GNPTAB: variants seen among roughly 807,000 people sequenced by gnomAD.
GNPTAB encodes N-acetylglucosamine-1-phosphate transferase subunits alpha and beta.
A neutral mutation model predicts 136.6 loss-of-function variants in GNPTAB; 92 were observed. That is an observed-to-expected ratio of 0.67 (90% CI 0.57 to 0.80). The LOEUF is 0.80. GNPTAB is among the 30% of genes least tolerant of loss of function. The pLI is 0.00. For missense variants in GNPTAB, 1,343 were observed against 1,501.8 expected (o/e 0.89, Z 1.75); for synonymous variants, 512 against 535.1 (o/e 0.96, Z 0.60).
At chr12:101,782,707 T>C (rs938085068) in intron 5 of GNPTAB, among the ~76,000 whole-genome samples, 12 of 152,192 alleles carry the variant, frequency 7.9e-5, no homozygotes, top group Non-Finnish European at 1.5e-4. Context: ...GCCAGGTCCT[T>C]GTTATGGTTA....
intron 2 of GNPTAB, chr12:101,796,121 A>C: frequency 1.5e-6 from 1 of 665,398 alleles, no homozygotes; most frequent in Non-Finnish European, 2.7e-6. Flanking sequence ...AGTGGGGTTC[A>C]GCCCCAGTGG....
chr12:101,823,079 A>T (rs574026721), intron 1 of GNPTAB, among the ~76,000 whole-genome samples: 1 of 152,360 alleles, frequency 6.6e-6, no homozygotes, highest in East Asian at 1.9e-4. Context: ...ACTGGGACCA[A>T]TGCCAGGAAA....
At chr12:101,767,177 A>G (rs748127029) in intron 11 of GNPTAB, among the ~76,000 whole-genome samples, 2 of 152,236 alleles carry the variant, frequency 1.3e-5, no homozygotes, top group Non-Finnish European at 2.9e-5. Context: ...GGATGATAAC[A>G]TTTGTGTACA....
At chr12:101,790,173 C>T (rs1360381918) in intron 2 of GNPTAB, 116 bp from the exon 3 acceptor site, 8 of 1,365,304 alleles carry the variant, frequency 5.9e-6, no homozygotes, top group Non-Finnish European at 8.3e-6. Flanking sequence ...AAGAAGTAAT[C>T]CAACCATGAC....
intron 8 of GNPTAB, 63 bp downstream of exon 8, chr12:101,770,933 C>T: frequency 6.8e-7 from 1 of 1,476,610 alleles, no homozygotes; most frequent in Non-Finnish European, 9.5e-7. Context: ...AATATAGTAA[C>T]TTACACATTT....
At chr12:101,792,516 T>C (rs1424985782) in intron 2 of GNPTAB, among the ~76,000 whole-genome samples, 2 of 152,230 alleles carry the variant, frequency 1.3e-5, no homozygotes, top group East Asian at 1.9e-4. Flanking sequence ...GATCCAATTG[T>C]ATACCCTTGT....
At chr12:101,805,734 T>C (rs982022744) in intron 1 of GNPTAB, among the ~76,000 whole-genome samples, 1 of 152,136 alleles carries the variant, frequency 6.6e-6, no homozygotes, top group South Asian at 2.1e-4. Context: ...TTTAAAAAAA[T>C]TGCTCCTTTC....
At chr12:101,786,481 C>T (rs1218396389) in intron 4 of GNPTAB, among the ~76,000 whole-genome samples, 1 of 152,130 alleles carries the variant, frequency 6.6e-6, no homozygotes, top group Non-Finnish European at 1.5e-5. Flanking sequence ...CCAAAATGCA[C>T]ATGAAATTAA....
intron 1 of GNPTAB, among the ~76,000 whole-genome samples, chr12:101,801,539 C>CAAAAAAAAAAAAAAA (rs36066248): frequency 7.0e-5 from 3 of 42,580 alleles, no homozygotes; most frequent in African/African-American, 2.1e-4. Context: ...GACCCTGTCT[C>CAAAAAAAAAAAAAAA]AAAAAAAAAA....
At chr12:101,827,288 A>G (rs1871138411) in intron 1 of GNPTAB, among the ~76,000 whole-genome samples, 1 of 151,876 alleles carries the variant, frequency 6.6e-6, no homozygotes, top group African/African-American at 2.4e-5. Context: ...TTTTGCAGAG[A>G]TAGGGTTTCG....
intron 4 of GNPTAB, among the ~76,000 whole-genome samples, chr12:101,786,613 C>T (rs1192588856): frequency 1.3e-5 from 2 of 152,084 alleles, no homozygotes; most frequent in Non-Finnish European, 2.9e-5. Context: ...TACAAGTTAC[C>T]AATTCCAGTT....
At chr12:101,805,547 A>C (rs12317970) in intron 1 of GNPTAB, among the ~76,000 whole-genome samples, 2,315 of 152,136 alleles carry the variant, frequency 0.015, 58 homozygotes, top group African/African-American at 0.053. Context: ...GGTGCACATC[A>C]CTACGTCTGG....
chr12:101,765,319 A>C lies in GNPTAB; in HGVS notation c.1613-15T>G. 1 of 1,559,860 alleles carries C rather than the reference A, an allele frequency of 6.4e-7. No homozygotes were observed. The highest frequency in any genetic ancestry group is 8.8e-7 in the Non-Finnish European group (1 of 1,131,420). On this transcript the variant is annotated splice_polypyrimidine_tract_variant and intron_variant, in intron 12 of 20. Coordinates refer to ENST00000299314, the MANE Select transcript of GNPTAB (RefSeq NM_024312.5). ...ATGAAAATGATCTAGAGGAAAAAAC[A>C]GAAACATGATTTTTTTTTTAACTGG...
In GNPTAB at chr12:101,796,736, T is replaced by A; in HGVS notation, c.144A>T (p.Gln48His). 6.2e-7 allele frequency: 1 copy of A among 1,613,150 alleles called. No individual in the cohort carries two copies. The highest frequency in any genetic ancestry group is 8.5e-7 in the Non-Finnish European group (1 of 1,179,320). Reference sequence around the variant, plus strand: ...TATAGGAATCAAACAAAACATGGTATTGATCTCGGCTCCATTCCAGAACCA... The same window carrying A: ...TATAGGAATCAAACAAAACATGGTAATGATCTCGGCTCCATTCCAGAACCA... ...GEVVLEWSRDQYHVLFDSYRD... is the reference protein window; with the variant it reads ...GEVVLEWSRDHYHVLFDSYRD... The change falls in exon 2 of 21, where the codon CAA becomes CAT. Residue 48 changes from glutamine to histidine, a missense_variant. Coordinates refer to ENST00000299314, the MANE Select transcript of GNPTAB (RefSeq NM_024312.5).
At chr12:101,787,308 G>A (rs1322049891) in intron 4 of GNPTAB, among the ~76,000 whole-genome samples, 1 of 152,030 alleles carries the variant, frequency 6.6e-6, no homozygotes, top group Non-Finnish European at 1.5e-5. Context: ...AAAACTGAAA[G>A]ATATGAAGCA....
At chr12:101,822,528 GT>G (rs1351103756) in intron 1 of GNPTAB, among the ~76,000 whole-genome samples, 1 of 152,192 alleles carries the variant, frequency 6.6e-6, no homozygotes. Flanking sequence ...TTTCTTTCAT[GT>G]GCTCCAACAC....
At chr12:101,828,226 C>T (rs1871200727) in intron 1 of GNPTAB, among the ~76,000 whole-genome samples, 1 of 152,212 alleles carries the variant, frequency 6.6e-6, no homozygotes, top group Admixed American at 6.5e-5. Flanking sequence ...ACATACCCAT[C>T]TTATTTAATC....
At chr12:101,810,758 G>A (rs943026720) in intron 1 of GNPTAB, 2 of 152,012 alleles carry the variant, frequency 1.3e-5, no homozygotes, top group African/African-American at 4.8e-5. Flanking sequence ...GAAAAATAGG[G>A]GAATGTGATA....
intron 20 of GNPTAB, among the ~76,000 whole-genome samples, chr12:101,748,472 A>C (rs890724439): frequency 3.9e-5 from 6 of 152,228 alleles, no homozygotes; most frequent in African/African-American, 1.4e-4. Flanking sequence ...TGATATGTGA[A>C]TAGCCTAATG....
Sources: allele counts gnomAD v4.1 joint callset (sites outside exome capture counted in the v4.1 genomes callset), GRCh38; gene constraint gnomAD v4.1.1; transcripts MANE v1.5; gene names NCBI Gene and HGNC (gene_info 2026-07-23, HGNC 2026-07-21).